Variants in RBM47 observed in about 807,000 individuals in gnomAD.
RBM47 encodes the protein RNA-binding protein 47.
A neutral mutation model predicts 47.1 loss-of-function variants in RBM47; 21 were observed. The ratio of observed to expected loss-of-function variants is 0.45; its 90% CI spans 0.32 to 0.64. RBM47 has a LOEUF of 0.64. Ranked by LOEUF, RBM47 falls within the 30% of genes least tolerant of loss-of-function variation. RBM47 has a pLI of 0.05. For synonymous variants in RBM47, 375 were observed against 361.7 expected, an observed-to-expected ratio of 1.04 and a Z score of -0.42; for missense variants, 708 against 870.9, an observed-to-expected ratio of 0.81 and a Z score of 2.35.
intron 5 of RBM47, among the ~76,000 whole-genome samples, chr4:40,435,463 C>T (rs991110584): frequency 8.6e-5 from 13 of 152,042 alleles, no homozygotes; most frequent in Admixed American, 2.0e-4. Context: ...GCAGGAGAAT[C>T]GCTTAACCCG....
intron 1 of RBM47, among the ~76,000 whole-genome samples, chr4:40,545,705 A>ATAAAT (rs1728980013): frequency 2.0e-5 from 3 of 151,638 alleles, no homozygotes; most frequent in Non-Finnish European, 2.9e-5. Context: ...AAATAAATAA[A>ATAAAT]AGAGAAAGAG....
In RBM47 at chr4:40,454,941, G is replaced by A. The variant is rs538178003; in HGVS notation, c.-32+11636C>T. Among the ~76,000 whole-genome samples the A allele has an allele frequency of 2.1e-3, 315 of 152,320 alleles. 1 individual carries two copies. Among genetic ancestry groups the A allele is most frequent in the Non-Finnish European group, 3.5e-3 (237 of 68,032 alleles). On this transcript the variant is annotated intron_variant, in intron 3 of 6. Coordinates refer to ENST00000295971, the MANE Select transcript of RBM47 (RefSeq NM_001098634.2). ...CTTTGCTACTTACTTACTTACAGCA[G>A]GTTTAGCAATAGCCAGTGTTAACAG...
chr4:40,432,704 C>T lies in RBM47; in HGVS notation c.1489G>A (p.Ala497Thr), dbSNP rs780492136. 91 of 1,590,364 alleles carry T rather than the reference C, an allele frequency of 5.7e-5. No homozygotes were observed. The Middle Eastern group carries it at 6.3e-4, about 11-fold the overall frequency. ...GGAATGACAGCGGCTGCGGCGGCTG[C>T]GGCCGCGGCTGCGGCGGCAGCAGCA... ...ASAAAAAAAA[A>T]AAAAAVIPTV... Residue 497 changes from alanine (A) to threonine (T), a missense_variant, in exon 6 of 7, where the codon GCA becomes ACA. By Grantham distance (58) the Ala-to-Thr change is moderately conservative. Coordinates refer to ENST00000295971, the MANE Select transcript of RBM47 (RefSeq NM_001098634.2).
intron 3 of RBM47, among the ~76,000 whole-genome samples, chr4:40,445,604 G>C (rs937980492): frequency 6.6e-6 from 1 of 152,126 alleles, no homozygotes; most frequent in Non-Finnish European, 1.5e-5. Context: ...ACTGAATTAC[G>C]CTTCAAATGC....
At chr4:40,600,507 G>A (rs1225856008) in intron 1 of RBM47, among the ~76,000 whole-genome samples, 15 of 151,278 alleles carry the variant, frequency 9.9e-5, no homozygotes, top group East Asian at 6.0e-4. Context: ...GGTGGCGGGC[G>A]CCTGTAGTCC....
chr4:40,427,848 A>G (rs553403141), intron 6 of RBM47, among the ~76,000 whole-genome samples: 1 of 151,662 alleles, frequency 6.6e-6, no homozygotes, highest in South Asian at 2.1e-4. Context: ...AATAGTAATT[A>G]TAATTTATAA....
chr4:40,454,094 C>T (rs1052186716), intron 3 of RBM47, among the ~76,000 whole-genome samples: 3 of 152,252 alleles, frequency 2.0e-5, no homozygotes, highest in South Asian at 4.1e-4. Context: ...CACAGCCATT[C>T]GTTTACATAT....
intron 1 of RBM47, among the ~76,000 whole-genome samples, chr4:40,576,086 G>A (rs1216235669): frequency 6.6e-6 from 1 of 152,196 alleles, no homozygotes; most frequent in Non-Finnish European, 1.5e-5. Context: ...GGCTCACATA[G>A]CTTGCTAAGA....
intron 2 of RBM47, among the ~76,000 whole-genome samples, chr4:40,523,314 C>T (rs533266908): frequency 1.2e-3 from 180 of 152,076 alleles, no homozygotes; most frequent in African/African-American, 4.2e-3. Context: ...GTGGCTCATG[C>T]CTGTAATCCC....
At chr4:40,567,593 G>A (rs1731221622) in intron 1 of RBM47, among the ~76,000 whole-genome samples, 1 of 151,998 alleles carries the variant, frequency 6.6e-6, no homozygotes. Flanking sequence ...ATCTTGTAAA[G>A]GCATTGAAAG....
intron 1 of RBM47, among the ~76,000 whole-genome samples, chr4:40,606,882 C>T (rs1030050556): frequency 6.6e-6 from 1 of 152,034 alleles, no homozygotes; most frequent in Non-Finnish European, 1.5e-5. Flanking sequence ...CGTGGAGAGG[C>T]TGAGGTGGGA....
rs1472373539 is a variant in RBM47 at position 40,569,016 on chromosome 4, T to TAGATAGATAGATAGATAGATAGAC, written c.-239-24511_-239-24510insGTCTATCTATCTATCTATCTATCT. ...ATAGATAGATAGATAGATAGATAGA[T>TAGATAGATAGATAGATAGATAGAC]AGACAGACAGACAGACAGACAGACA... On this transcript the variant is annotated intron_variant, in intron 1 of 6. Coordinates refer to ENST00000295971, the MANE Select transcript of RBM47 (RefSeq NM_001098634.2). 2.0e-3 allele frequency among the ~76,000 whole-genome samples: 198 copies of TAGATAGATAGATAGATAGATAGAC among 98,858 alleles called. 1 individual carries two copies. The highest frequency in any genetic ancestry group is 6.3e-3 in the African/African-American group (181 of 28,938). 64.9% of individuals were successfully genotyped at this position (98,858 alleles called of 152,430 possible). A position where few individuals can be genotyped will look rare whatever the true frequency, so the allele number is the denominator to read the frequency against.
intron 3 of RBM47, among the ~76,000 whole-genome samples, chr4:40,460,235 T>C (rs1304820814): frequency 1.3e-5 from 2 of 152,068 alleles, no homozygotes; most frequent in Non-Finnish European, 2.9e-5. Flanking sequence ...TTTTCTTTTT[T>C]CTTTTGGCCT....
chr4:40,574,499 G>C (rs187056487), intron 1 of RBM47, among the ~76,000 whole-genome samples: 216 of 152,200 alleles, frequency 1.4e-3, no homozygotes, highest in South Asian at 3.9e-3. Flanking sequence ...GAATCTCATA[G>C]GTAATCACAA....
At chr4:40,543,065 G>A (rs762244277) in intron 2 of RBM47, 1 of 152,174 alleles carries the variant, frequency 6.6e-6, no homozygotes, top group Non-Finnish European at 1.5e-5. Flanking sequence ...GGATTTACTT[G>A]TATCCCTACA....
chr4:40,578,135 G>C (rs1447925786), intron 1 of RBM47, among the ~76,000 whole-genome samples: 1 of 152,198 alleles, frequency 6.6e-6, no homozygotes, highest in Non-Finnish European at 1.5e-5. Context: ...GACCTTCTCA[G>C]TAATCAGGAC....
chr4:40,432,187 T>G (rs1263837710), intron 6 of RBM47, among the ~76,000 whole-genome samples: 19 of 144,726 alleles, frequency 1.3e-4, no homozygotes, highest in Admixed American at 1.4e-4. Context: ...ATGTTCTTTC[T>G]CTCTCTCTCT....
chr4:40,436,203 C>CAAACAAAAA (rs1553877384), intron 5 of RBM47, among the ~76,000 whole-genome samples: 5 of 140,180 alleles, frequency 3.6e-5, no homozygotes, highest in East Asian at 2.1e-4. Flanking sequence ...AACAAACAAA[C>CAAACAAAAA]AAAAAAAAAC....
intron 1 of RBM47, among the ~76,000 whole-genome samples, chr4:40,618,093 T>C (rs1736908138): frequency 2.0e-5 from 3 of 151,614 alleles, no homozygotes; most frequent in Non-Finnish European, 4.4e-5. Flanking sequence ...ATACAAAAAA[T>C]TAGCCAAGCA....
Sources: allele counts gnomAD v4.1 joint callset (sites outside exome capture counted in the v4.1 genomes callset), GRCh38; gene constraint gnomAD v4.1.1; transcripts MANE v1.5; gene names NCBI Gene and HGNC (gene_info 2026-07-23, HGNC 2026-07-21).